Variants in GLYATL1 observed in about 807,000 individuals in gnomAD.
GLYATL1 encodes the protein glycine-N-acyltransferase like 1.
A neutral mutation model predicts 20.0 loss-of-function variants in GLYATL1; 15 were observed. That is an observed-to-expected ratio of 0.75 (90% CI 0.50 to 1.15). The LOEUF is 1.15. GLYATL1 is among the 50% of genes most tolerant of loss of function. The pLI is 0.00. For synonymous variants in GLYATL1, 151 were observed against 131.5 expected, an observed-to-expected ratio of 1.15 and a Z score of -1.01; for missense variants, 380 against 368.5, an observed-to-expected ratio of 1.03 and a Z score of -0.26.
intron 1 of GLYATL1, among the ~76,000 whole-genome samples, chr11:58,919,913 G>A (rs754562602): frequency 2.2e-4 from 34 of 152,040 alleles, no homozygotes; most frequent in Non-Finnish European, 3.8e-4. Context: ...ACAAACCTGG[G>A]GGCCACCATT....
upstream of GLYATL1, among the ~76,000 whole-genome samples, chr11:58,925,941 A>G (rs1855417039): frequency 6.6e-6 from 1 of 152,206 alleles, no homozygotes; most frequent in Admixed American, 6.5e-5. Flanking sequence ...CTGGTCCATT[A>G]TCAGCTTTAA....
chr11:58,906,632 C>T (rs1253302730), intron 1 of GLYATL1, among the ~76,000 whole-genome samples: 1 of 152,196 alleles, frequency 6.6e-6, no homozygotes, highest in African/African-American at 2.4e-5. Context: ...TAGCAAGGTG[C>T]ATTTCTCCCC....
At chr11:58,921,747 C>G (rs1257711055) in intron 1 of GLYATL1, among the ~76,000 whole-genome samples, 1 of 152,190 alleles carries the variant, frequency 6.6e-6, no homozygotes, top group African/African-American at 2.4e-5. Context: ...CGTTCAGCCT[C>G]CTTCTTTGCC....
chr11:58,930,337 T>G (rs1855553274), intron 1 of GLYATL1, among the ~76,000 whole-genome samples: 1 of 152,232 alleles, frequency 6.6e-6, no homozygotes, highest in Non-Finnish European at 1.5e-5. Context: ...TGCTCACAAT[T>G]ACTGCCTTTA....
chr11:58,915,572 A>T (rs1855151899), intron 1 of GLYATL1, among the ~76,000 whole-genome samples: 1 of 152,194 alleles, frequency 6.6e-6, no homozygotes, highest in South Asian at 2.1e-4. Context: ...GGCCAGCAAG[A>T]TCAACACAAT....
downstream of GLYATL1, among the ~76,000 whole-genome samples, chr11:58,910,248 T>G (rs1296218259): frequency 1.3e-5 from 2 of 152,204 alleles, no homozygotes; most frequent in Non-Finnish European, 2.9e-5. Context: ...TGTAGGTTTC[T>G]GGATTTTCTT....
upstream of GLYATL1, among the ~76,000 whole-genome samples, chr11:58,938,218 C>T (rs1855923080): frequency 2.0e-5 from 3 of 152,188 alleles, no homozygotes; most frequent in Admixed American, 6.5e-5. Context: ...TCCATTCTGT[C>T]TGTGTTTCTG....
intron 1 of GLYATL1, among the ~76,000 whole-genome samples, chr11:58,916,075 A>G (rs1345302699): frequency 3.3e-5 from 5 of 152,160 alleles, no homozygotes; most frequent in Non-Finnish European, 7.4e-5. Context: ...ATACTTTCCC[A>G]CAACCTTGGA....
downstream of GLYATL1, among the ~76,000 whole-genome samples, chr11:58,912,663 G>T (rs1018258722): frequency 1.3e-5 from 2 of 152,184 alleles, no homozygotes; most frequent in African/African-American, 4.8e-5. Flanking sequence ...CGTCTTATGG[G>T]AGTCTCACCA....
chr11:58,956,244 T>A lies in GLYATL1; in HGVS notation c.*217T>A. 1 of 554,134 alleles carries A rather than the reference T, an allele frequency of 1.8e-6. No homozygotes were observed. The highest frequency in any genetic ancestry group is 3.2e-6 in the Non-Finnish European group (1 of 313,868). The allele number at this position is 554,134 out of a possible 1,614,324, so 34.3% of individuals were successfully genotyped here. On this transcript the variant is annotated 3_prime_UTR_variant, in exon 7 of 7. Transcript: ENST00000532726. ...GGGAGGGTATATTCTTTAAATATGC[T>A]TAAGTGTTATAGGGAAAGACGGGGT...
At chr11:58,924,487 G>T (rs1436675335), upstream of GLYATL1, among the ~76,000 whole-genome samples, 1 of 152,164 alleles carries the variant, frequency 6.6e-6, no homozygotes, top group Non-Finnish European at 1.5e-5. Flanking sequence ...TTCCAAAAAG[G>T]TTTGTAAACT....
At chr11:58,907,437 A>G (rs909873236) in exon 2 of GLYATL1, 1 of 452,072 alleles carries the variant, frequency 2.2e-6, no homozygotes, top group African/African-American at 2.0e-5. Flanking sequence ...CATGATGTCT[A>G]GTTCCTTGCA....
chr11:58,917,298 G>A (rs2135106699), intron 1 of GLYATL1: 1 of 152,294 alleles, frequency 6.6e-6, no homozygotes, highest in South Asian at 2.1e-4. Context: ...TGGGAATGAA[G>A]GAGGACCAGA....
rs552282968 is a variant in GLYATL1 at position 58,953,677 on chromosome 11, G to A, written c.187-1093G>A. 2.6e-4 allele frequency among the ~76,000 whole-genome samples: 40 copies of A among 152,006 alleles called. 1 individual carries two copies. In the South Asian group the frequency reaches 7.9e-3, roughly 30 times the overall value. ...TTTTTGGTCATTCTTTTAAAATCAGGTCTTTTAAAACATCTACTCTTCTAA... is the reference window on the plus strand; with the variant it reads ...TTTTTGGTCATTCTTTTAAAATCAGATCTTTTAAAACATCTACTCTTCTAA... On this transcript the variant is annotated intron_variant, in intron 4 of 6. Coordinates refer to ENST00000532726, the MANE Select transcript of GLYATL1 (RefSeq NM_001389712.2).
intron 1 of GLYATL1, among the ~76,000 whole-genome samples, chr11:58,918,887 T>C (rs1412770514): frequency 6.6e-6 from 1 of 152,202 alleles, no homozygotes; most frequent in African/African-American, 2.4e-5. Flanking sequence ...CTCGGTCTCA[T>C]GGCATTATCA....
chr11:58,948,223 A>T (rs996829627), intron 4 of GLYATL1, among the ~76,000 whole-genome samples: 4 of 152,208 alleles, frequency 2.6e-5, no homozygotes, highest in South Asian at 2.1e-4. Context: ...TAAGGGCCCT[A>T]TGAGGTGGCA....
intron 1 of GLYATL1, among the ~76,000 whole-genome samples, chr11:58,941,428 A>G (rs1228123814): frequency 1.3e-5 from 2 of 151,910 alleles, no homozygotes; most frequent in African/African-American, 4.8e-5. Flanking sequence ...ACATTTTCTT[A>G]ATCCAGTCTA....
At chr11:58,947,409 T>C in intron 3 of GLYATL1, 2 of 553,708 alleles carry the variant, frequency 3.6e-6, no homozygotes, top group Non-Finnish European at 6.3e-6. Context: ...GCTACGAACA[T>C]GGTTTGGAGC....
Position 58,943,680 on chromosome 11 carries a change from C to A in GLYATL1, c.-43+14C>A. 1 of 1,610,768 alleles carries A rather than the reference C, an allele frequency of 6.2e-7. No individual in the cohort carries two copies. Among genetic ancestry groups the A allele is most frequent in the South Asian group, 1.1e-5 (1 of 90,228 alleles). On this transcript the variant is annotated intron_variant, in intron 2 of 6. Transcript: ENST00000532726. ...TGAGGATAATAGGTAAGCTCCCTCTCGCATTTTGGAGCTTCACACGTTGGT... is the reference window on the plus strand; with the variant it reads ...TGAGGATAATAGGTAAGCTCCCTCTAGCATTTTGGAGCTTCACACGTTGGT...
Sources: allele counts gnomAD v4.1 joint callset (sites outside exome capture counted in the v4.1 genomes callset), GRCh38; gene constraint gnomAD v4.1.1; transcripts MANE v1.5; gene names NCBI Gene and HGNC (gene_info 2026-07-23, HGNC 2026-07-21).